Variants in HK1 observed in about 807,000 individuals in gnomAD.
HK1 encodes hexokinase-1.
Under a neutral mutation model 91.6 loss-of-function variants are expected in HK1, and 28 were observed. That is an observed-to-expected ratio of 0.31 (90% CI 0.23 to 0.42). HK1 has a LOEUF of 0.42. Among genes scored for constraint, HK1 ranks in the 10% least tolerant of loss-of-function variants. The pLI, the probability that HK1 is intolerant of heterozygous loss-of-function variation, is 1.00. For missense variants in HK1, 770 were observed against 1,219.8 expected, an observed-to-expected ratio of 0.63 and a Z score of 5.49; for synonymous variants, 430 against 468.1, an observed-to-expected ratio of 0.92 and a Z score of 1.05.
At position 69,374,521 on chromosome 10, in the gene HK1, A is replaced by G. The variant is rs552647314; in HGVS notation, c.876-2413A>G. Among the ~76,000 whole-genome samples, 4 of 152,344 alleles carry G rather than the reference A, an allele frequency of 2.6e-5. No homozygotes were observed. The East Asian group carries it at 7.7e-4, about 29-fold the overall frequency. ...GGCATGCCCTGAGAGGCAGATCATG[A>G]CTTGCTCGATTTCATTAATTTCACT... On this transcript the variant is annotated intron_variant, in intron 7 of 17. Transcript: ENST00000359426.
intron 16 of HK1, among the ~76,000 whole-genome samples, chr10:69,395,532 C>T (rs1336015482): frequency 2.0e-5 from 3 of 152,152 alleles, no homozygotes; most frequent in Admixed American, 2.0e-4. Context: ...GAGCTGAGAT[C>T]GCGCCACTGC....
intron 2 of HK1, among the ~76,000 whole-genome samples, chr10:69,345,761 T>C (rs1479647298): frequency 6.6e-6 from 1 of 152,114 alleles, no homozygotes; most frequent in Non-Finnish European, 1.5e-5. Flanking sequence ...AGGGGTGCTC[T>C]CCCTCTCCTT....
intron 1 of HK1, among the ~76,000 whole-genome samples, chr10:69,331,145 G>A (rs1011094015): frequency 2.6e-5 from 4 of 152,184 alleles, no homozygotes; most frequent in African/African-American, 9.7e-5. Flanking sequence ...CTCCCAAAGT[G>A]CTGGGATCAC....
chr10:69,325,878 G>C (rs1589486660), intron 1 of HK1, among the ~76,000 whole-genome samples: 1 of 150,106 alleles, frequency 6.7e-6, no homozygotes, highest in African/African-American at 2.5e-5. Context: ...TCTGTCGCCT[G>C]GGTTGTAGTA....
intron 4 of HK1, among the ~76,000 whole-genome samples, chr10:69,299,686 G>A (rs111575157): frequency 0.021 from 3,188 of 149,418 alleles, 181 homozygotes; most frequent in African/African-American, 0.074. Flanking sequence ...TTTTGAGATG[G>A]AGTCTCACTC....
Position 69,401,294 on chromosome 10 carries a change from A to G in HK1, c.*159A>G. The G allele has an allele frequency of 1.3e-6, 1 of 762,148 alleles. No individual in the cohort carries two copies. The highest frequency in any genetic ancestry group is 2.2e-6 in the Non-Finnish European group (1 of 458,542). The allele number at this position is 762,148 out of a possible 1,614,324, so 47.2% of individuals were successfully genotyped here. A position where few individuals can be genotyped will look rare whatever the true frequency, so the allele number is the denominator to read the frequency against. On this transcript the variant is annotated 3_prime_UTR_variant, in exon 18 of 18. Coordinates refer to ENST00000359426, the MANE Select transcript of HK1 (RefSeq NM_000188.3). Reference sequence around the variant, plus strand: ...ACTAATGGTATATATTGTAGGGTACAGAATAGAGCGTGTGCTGTTGATAAT... The same window carrying G: ...ACTAATGGTATATATTGTAGGGTACGGAATAGAGCGTGTGCTGTTGATAAT...
At chr10:69,326,530 CCT>C (rs1415883990) in intron 1 of HK1, among the ~76,000 whole-genome samples, 58 of 152,312 alleles carry the variant, frequency 3.8e-4, no homozygotes, top group Admixed American at 2.1e-3. Flanking sequence ...CTTCTTGCTT[CCT>C]CTGTTTCCTT....
At chr10:69,375,385 G>T (rs1337163321) in intron 7 of HK1, among the ~76,000 whole-genome samples, 1 of 152,188 alleles carries the variant, frequency 6.6e-6, no homozygotes, top group African/African-American at 2.4e-5. Flanking sequence ...GCCTCCACCA[G>T]TGCTGAGATT....
chr10:69,336,805 A>C (rs1202424957), intron 1 of HK1, among the ~76,000 whole-genome samples: 2 of 151,398 alleles, frequency 1.3e-5, no homozygotes, highest in Non-Finnish European at 2.9e-5. Flanking sequence ...ACACCCGGCT[A>C]ATTTTTTTTG....
Position 69,318,900 on chromosome 10 carries a change from A to G in HK1, c.-48A>G, listed in dbSNP as rs1846829549. The stretch of plus-strand genomic sequence containing the variant: ...GGACCACGGCTCGCCAGGGCTGCGG[A>G]GGACCGACCGTCCCCACGCCTGCCG... On this transcript the variant is annotated 5_prime_UTR_variant, in exon 1 of 18. Coordinates refer to ENST00000359426, the MANE Select transcript of HK1 (RefSeq NM_000188.3). 13 of 1,549,812 alleles carry G rather than the reference A, an allele frequency of 8.4e-6. No homozygotes were observed. The highest frequency in any genetic ancestry group is 1.1e-5 in the Non-Finnish European group (13 of 1,149,652).
At chr10:69,315,795 T>G, upstream of HK1, 5 of 726,864 alleles carry the variant, frequency 6.9e-6, no homozygotes, top group Non-Finnish European at 5.1e-6. Context: ...CCAGGTTGCA[T>G]GAGGGGTTGG....
At chr10:69,319,035 T>G (rs1846841730) in intron 1 of HK1, 25 bp downstream of exon 1, 2 of 1,586,426 alleles carry the variant, frequency 1.3e-6, no homozygotes, top group Non-Finnish European at 1.7e-6. Context: ...GCGCCGCCGC[T>G]GGTCCTGGCC....
chr10:69,312,427 T>TG (rs1846420732), upstream of HK1, among the ~76,000 whole-genome samples: 1 of 152,040 alleles, frequency 6.6e-6, no homozygotes, highest in African/African-American at 2.4e-5. Flanking sequence ...AGGAGAGAGA[T>TG]GGAGTTTCAC....
intron 1 of HK1, chr10:69,271,080 G>A (rs1302330907): frequency 2.6e-5 from 4 of 152,146 alleles, no homozygotes; most frequent in Non-Finnish European, 4.4e-5. Context: ...AGAAATAAAA[G>A]ACATCATTCC....
chr10:69,355,674 C>G (rs1849091492), intron 2 of HK1, among the ~76,000 whole-genome samples: 1 of 152,168 alleles, frequency 6.6e-6, no homozygotes, highest in African/African-American at 2.4e-5. Flanking sequence ...CGCCTGTAAT[C>G]CTAGCTACTT....
At chr10:69,368,788 G>A (rs1849837685) in intron 5 of HK1, among the ~76,000 whole-genome samples, 157 bp downstream of exon 5, 1 of 152,078 alleles carries the variant, frequency 6.6e-6, no homozygotes, top group Admixed American at 6.5e-5. Flanking sequence ...GAATGATGAG[G>A]ATGGGGATGG....
chr10:69,285,135 T>TA (rs1266315484), intron 2 of HK1, among the ~76,000 whole-genome samples: 1 of 148,772 alleles, frequency 6.7e-6, no homozygotes, highest in Non-Finnish European at 1.5e-5. Flanking sequence ...TCCTATTCCT[T>TA]AAAAAAACAA....
chr10:69,310,099 C>G (rs115067321), intron 5 of HK1, among the ~76,000 whole-genome samples: 2 of 140,400 alleles, frequency 1.4e-5, no homozygotes, highest in Admixed American at 1.5e-4. Flanking sequence ...GCCTGGGTGA[C>G]GGAGTGAAAC....
At chr10:69,364,416 C>G (rs1334381262) in intron 3 of HK1, among the ~76,000 whole-genome samples, 2 of 152,170 alleles carry the variant, frequency 1.3e-5, no homozygotes, top group African/African-American at 4.8e-5. Flanking sequence ...GCCACTCCAC[C>G]TGGTGGCTGG....
Sources: gnomAD v4.1 joint callset for allele counts (sites outside exome capture counted in the v4.1 genomes callset) on GRCh38, gnomAD v4.1.1 for gene constraint, MANE v1.5 for transcripts, NCBI Gene and HGNC (gene_info 2026-07-23, HGNC 2026-07-21) for gene names.